Variants in SRPK2 observed in about 807,000 individuals in gnomAD.
SRPK2 encodes the protein SFRS protein kinase 2.
Under a neutral mutation model 90.8 loss-of-function variants are expected in SRPK2, and 21 were observed. That is an observed-to-expected ratio of 0.23 (90% CI 0.16 to 0.33). The LOEUF is 0.33. SRPK2 is among the 10% of genes least tolerant of loss of function. The pLI is 1.00. For missense variants in SRPK2, 620 were observed against 869.0 expected (o/e 0.71, Z 3.60); for synonymous variants, 288 against 311.1 (o/e 0.93, Z 0.78).
intron 12 of SRPK2, 27 bp from the exon 13 acceptor site, chr7:105,132,925 C>A: frequency 1.2e-6 from 2 of 1,612,502 alleles, no homozygotes; most frequent in Non-Finnish European, 1.7e-6. Context: ...TGCATTACCA[C>A]GGAGCAACAC....
chr7:105,221,350 TAA>T (rs1419216850), intron 2 of SRPK2, among the ~76,000 whole-genome samples: 4 of 152,236 alleles, frequency 2.6e-5, no homozygotes, highest in Non-Finnish European at 5.9e-5. Flanking sequence ...CCATCAGTTA[TAA>T]ACCCTGTGGC....
intron 2 of SRPK2, among the ~76,000 whole-genome samples, chr7:105,273,392 C>G (rs932156527): frequency 6.6e-6 from 1 of 151,444 alleles, no homozygotes; most frequent in Non-Finnish European, 1.5e-5. Context: ...TCAGTCGTCT[C>G]CCTTGTACAC....
upstream of SRPK2, among the ~76,000 whole-genome samples, chr7:105,392,849 G>A (rs541089888): frequency 2.7e-5 from 4 of 150,572 alleles, no homozygotes; most frequent in South Asian, 2.1e-4. Context: ...GTCTTGCTCC[G>A]TCGCCCAGGC....
intron 2 of SRPK2, among the ~76,000 whole-genome samples, chr7:105,287,819 G>A (rs1808370592): frequency 6.6e-6 from 1 of 152,116 alleles, no homozygotes. Context: ...TAGGCAGGAA[G>A]ATCTACCTTT....
intron 2 of SRPK2, among the ~76,000 whole-genome samples, chr7:105,310,915 C>T (rs1811634908): frequency 6.6e-6 from 1 of 152,124 alleles, no homozygotes; most frequent in Non-Finnish European, 1.5e-5. Flanking sequence ...ATCCACCCTT[C>T]CACAAATACA....
intron 2 of SRPK2, among the ~76,000 whole-genome samples, chr7:105,328,468 C>G (rs529116004): frequency 6.9e-6 from 1 of 144,440 alleles, no homozygotes; most frequent in African/African-American, 2.6e-5. Context: ...GAGGCTGAGG[C>G]AGGAGAATCA....
chr7:105,230,029 G>A (rs1409202094), intron 2 of SRPK2, among the ~76,000 whole-genome samples: 1 of 152,222 alleles, frequency 6.6e-6, no homozygotes, highest in East Asian at 1.9e-4. Context: ...CAGTGGGGAA[G>A]ACATTTTGTA....
chr7:105,338,765 A>C (rs528151875), intron 2 of SRPK2, among the ~76,000 whole-genome samples: 22 of 152,290 alleles, frequency 1.4e-4, no homozygotes, highest in African/African-American at 5.1e-4. Flanking sequence ...TTATTGTTGA[A>C]ATATTTCACT....
chr7:105,354,323 C>A (rs1285750444), intron 2 of SRPK2, among the ~76,000 whole-genome samples: 1 of 152,166 alleles, frequency 6.6e-6, no homozygotes, highest in Non-Finnish European at 1.5e-5. Flanking sequence ...CCTGGGTGTG[C>A]GTGGCTCTTG....
chr7:105,319,996 G>A (rs1463207484), intron 2 of SRPK2, among the ~76,000 whole-genome samples: 1 of 151,662 alleles, frequency 6.6e-6, no homozygotes, highest in African/African-American at 2.4e-5. Context: ...ATTTAATTCA[G>A]CTGAAGTTTT....
chr7:105,310,322 G>C (rs184578284), intron 2 of SRPK2, among the ~76,000 whole-genome samples: 2 of 152,302 alleles, frequency 1.3e-5, no homozygotes. Context: ...AGCAAGGCTA[G>C]TAAATGCATT....
At chr7:105,143,646 G>A (rs1804127750) in intron 9 of SRPK2, 2 of 298,142 alleles carry the variant, frequency 6.7e-6, no homozygotes, top group Non-Finnish European at 1.3e-5. Flanking sequence ...TAAAGGAGAA[G>A]CTCCTCTTGC....
intron 2 of SRPK2, among the ~76,000 whole-genome samples, chr7:105,377,165 T>A (rs1387484144): frequency 1.3e-5 from 2 of 152,152 alleles, no homozygotes; most frequent in Non-Finnish European, 2.9e-5. Flanking sequence ...TGTATTCCCT[T>A]GGTTTCTGTA....
intron 2 of SRPK2, among the ~76,000 whole-genome samples, chr7:105,374,997 C>A (rs1389432763): frequency 6.6e-6 from 1 of 152,030 alleles, no homozygotes; most frequent in Non-Finnish European, 1.5e-5. Flanking sequence ...GTAACAAAAA[C>A]ACAGGAAGAG....
intron 2 of SRPK2, among the ~76,000 whole-genome samples, chr7:105,347,750 G>A (rs992296707): frequency 6.6e-6 from 1 of 151,810 alleles, no homozygotes; most frequent in Non-Finnish European, 1.5e-5. Context: ...CCAGCTACTT[G>A]GAAAGCTGAA....
At chr7:105,347,856 C>CAA (rs748447917) in intron 2 of SRPK2, among the ~76,000 whole-genome samples, 3 of 87,862 alleles carry the variant, frequency 3.4e-5, no homozygotes, top group African/African-American at 4.4e-5. Flanking sequence ...GACTCCGTCT[C>CAA]AAAAAAAAAA....
At chr7:105,367,260 G>T (rs1052516367) in intron 2 of SRPK2, among the ~76,000 whole-genome samples, 4 of 151,624 alleles carry the variant, frequency 2.6e-5, no homozygotes, top group Non-Finnish European at 5.9e-5. Context: ...GCATCACAGG[G>T]CTTTGTTTTG....
At chr7:105,340,543 G>A (rs1328970175) in intron 2 of SRPK2, among the ~76,000 whole-genome samples, 2 of 151,800 alleles carry the variant, frequency 1.3e-5, no homozygotes, top group Non-Finnish European at 2.9e-5. Context: ...TCCCAAGTAG[G>A]TGGGAACACT....
chr7:105,392,862 G>T (rs1822217169), upstream of SRPK2, among the ~76,000 whole-genome samples: 1 of 151,500 alleles, frequency 6.6e-6, no homozygotes, highest in Non-Finnish European at 1.5e-5. Context: ...GCCCAGGCTG[G>T]AGTGCAGTGG....
Sources: allele counts gnomAD v4.1 joint callset (sites outside exome capture counted in the v4.1 genomes callset), GRCh38; gene constraint gnomAD v4.1.1; transcripts MANE v1.5; gene names NCBI Gene and HGNC (gene_info 2026-07-23, HGNC 2026-07-21).